Variants in CHPT1 observed in about 807,000 individuals in gnomAD.
The protein encoded by CHPT1 is choline phosphotransferase 1, also known as cholinephosphotransferase 1.
CHPT1 carries 36 observed loss-of-function variants against 47.6 expected under a neutral mutation model. That is an observed-to-expected ratio of 0.76 (90% CI 0.58 to 1.00). The LOEUF (loss-of-function observed/expected upper bound fraction) is 1.00. Ranked by LOEUF, CHPT1 falls within the 50% of genes least tolerant of loss-of-function variation. The probability of loss-of-function intolerance (pLI) is 0.00; values close to 1 mark genes in which losing one functional copy is unlikely to be tolerated. For missense variants in CHPT1, 458 were observed against 498.1 expected (o/e 0.92, Z 0.77); for synonymous variants, 194 against 186.3 (o/e 1.04, Z -0.33).
At chr12:101,727,136 G>GA (rs1476129855) in intron 8 of CHPT1, 4 of 152,066 alleles carry the variant, frequency 2.6e-5, no homozygotes, top group Non-Finnish European at 5.9e-5. Flanking sequence ...TCCCTTTCAT[G>GA]AAAAATGAAA....
intron 1 of CHPT1, among the ~76,000 whole-genome samples, chr12:101,703,969 G>A (rs905577086): frequency 6.6e-6 from 1 of 152,080 alleles, no homozygotes; most frequent in Non-Finnish European, 1.5e-5. Context: ...CAGCATACTC[G>A]CATTACATGT....
rs1253915937 is a variant in CHPT1, at chr12:101,727,581, AT to A, written c.1176+1179del. Reference sequence around the variant, plus strand: ...ATTGAAGAAAACAGTGAAAGATGATATTCCTTAAAAGCAAAAAAACATACTT... The same window carrying A: ...ATTGAAGAAAACAGTGAAAGATGATATCCTTAAAAGCAAAAAAACATACTT... On this transcript the variant is annotated intron_variant, in intron 8 of 8. Coordinates refer to ENST00000229266, the MANE Select transcript of CHPT1 (RefSeq NM_020244.3). 1.1e-4 allele frequency: 16 copies of A among 152,232 alleles called. No individual in the cohort carries two copies. The East Asian group carries it at 2.9e-3, about 27-fold the overall frequency. 9.4% of individuals were successfully genotyped at this position (152,232 alleles called of 1,614,324 possible). A position where few individuals can be genotyped will look rare whatever the true frequency, so the allele number is the denominator to read the frequency against.
At chr12:101,723,116 G>A in intron 5 of CHPT1, 52 bp from the exon 6 acceptor site, 3 of 1,501,046 alleles carry the variant, frequency 2.0e-6, no homozygotes, top group Non-Finnish European at 2.8e-6. Flanking sequence ...TGTCTACATT[G>A]TAATAAATGC....
At chr12:101,721,318 C>T (rs1230706432) in intron 5 of CHPT1, among the ~76,000 whole-genome samples, 2 of 151,910 alleles carry the variant, frequency 1.3e-5, no homozygotes, top group Non-Finnish European at 2.9e-5. Flanking sequence ...TTTAGGATTG[C>T]TTTAAACTAT....
intron 7 of CHPT1, 94 bp from the exon 8 acceptor site, chr12:101,726,200 G>T: frequency 1.2e-6 from 1 of 817,174 alleles, no homozygotes; most frequent in African/African-American, 1.7e-5. Flanking sequence ...AGAATTTTAG[G>T]TTAAGGTTTG....
At chr12:101,714,297 G>A (rs1951733651) in intron 2 of CHPT1, 60 bp downstream of exon 2, 4 of 1,437,674 alleles carry the variant, frequency 2.8e-6, no homozygotes, top group Non-Finnish European at 3.8e-6. Flanking sequence ...GAACTGAGCT[G>A]TTTGGTCAGT....
At chr12:101,706,994 G>A (rs1951643373) in intron 1 of CHPT1, among the ~76,000 whole-genome samples, 1 of 152,166 alleles carries the variant, frequency 6.6e-6, no homozygotes, top group African/African-American at 2.4e-5. Flanking sequence ...ACCATCTAAT[G>A]AGCATATTTT....
intron 1 of CHPT1, among the ~76,000 whole-genome samples, chr12:101,713,065 G>A (rs1024106646): frequency 6.7e-6 from 1 of 148,284 alleles, no homozygotes; most frequent in Non-Finnish European, 1.5e-5. Context: ...ATCCTTTTGA[G>A]GCTGGATTTT....
intron 1 of CHPT1, among the ~76,000 whole-genome samples, chr12:101,700,232 AAAGTC>A (rs1351316708): frequency 6.6e-6 from 1 of 152,046 alleles, no homozygotes; most frequent in Non-Finnish European, 1.5e-5. Flanking sequence ...GCTTACCAAA[AAAGTC>A]AAGAGCTTCT....
chr12:101,701,188 T>C (rs1235302970), intron 1 of CHPT1, among the ~76,000 whole-genome samples: 3 of 152,224 alleles, frequency 2.0e-5, no homozygotes, highest in South Asian at 4.1e-4. Flanking sequence ...TCCAGCCAAA[T>C]TGAACTTCTT....
chr12:101,712,391 A>G (rs758541002), intron 1 of CHPT1, among the ~76,000 whole-genome samples: 6 of 148,670 alleles, frequency 4.0e-5, no homozygotes, highest in Non-Finnish European at 9.0e-5. Flanking sequence ...TTTAAAAAAT[A>G]TTTATTCTGT....
At chr12:101,726,589 G>T in intron 8 of CHPT1, 185 bp downstream of exon 8, 1 of 748,824 alleles carries the variant, frequency 1.3e-6, no homozygotes, top group Non-Finnish European at 1.9e-6. Flanking sequence ...AGCCCCCATT[G>T]TATCATCATT....
At chr12:101,700,036 C>G (rs1431786155) in intron 1 of CHPT1, among the ~76,000 whole-genome samples, 1 of 152,144 alleles carries the variant, frequency 6.6e-6, no homozygotes, top group Non-Finnish European at 1.5e-5. Flanking sequence ...AAATATCACT[C>G]AACACATTAA....
rs186149830 is a variant in CHPT1, at chr12:101,706,327, G to A, written c.274-7763G>A. On this transcript the variant is annotated intron_variant, in intron 1 of 8. Coordinates refer to ENST00000229266, the MANE Select transcript of CHPT1 (RefSeq NM_020244.3). ...ATTACACCACTGCACTCCAGCCTGG[G>A]CGACAGAGTGAGACTCTGTCTCAAG... 2.2e-3 allele frequency among the ~76,000 whole-genome samples: 325 copies of A among 151,118 alleles called. 1 individual carries two copies. The highest frequency in any genetic ancestry group is 7.5e-3 in the African/African-American group (310 of 41,240).
rs956171595 is a variant in CHPT1, at chr12:101,702,810, C to T, written c.273+4676C>T. ...TCTCATTAAAACAAAATGTGAACTC[C>T]AGATTTCCAGGAGATAGAAGCAGGG... On this transcript the variant is annotated intron_variant, in intron 1 of 8. Coordinates refer to ENST00000229266, the MANE Select transcript of CHPT1 (RefSeq NM_020244.3). Among the ~76,000 whole-genome samples the T allele has an allele frequency of 3.3e-5, 5 of 152,132 alleles. No homozygotes were observed. The South Asian group carries it at 1.0e-3, about 32-fold the overall frequency.
At chr12:101,704,196 GT>G (rs200447207) in intron 1 of CHPT1, among the ~76,000 whole-genome samples, 5,452 of 150,822 alleles carry the variant, frequency 0.036, 329 homozygotes, top group African/African-American at 0.13. Context: ...TTTTGTTTTT[GT>G]TTTTTTTCAG....
In CHPT1 at chr12:101,723,862, C is replaced by G. The variant is rs1374393329; in HGVS notation, c.1065+15C>G. 2 of 1,478,336 alleles carry G rather than the reference C, an allele frequency of 1.4e-6. No homozygotes were observed. The highest frequency in any genetic ancestry group is 1.9e-6 in the Non-Finnish European group (2 of 1,072,254). 91.6% of individuals were successfully genotyped at this position (1,478,336 alleles called of 1,614,324 possible). On this transcript the variant is annotated intron_variant, in intron 7 of 8. Transcript: ENST00000229266. ...GGATGGCAATGGTAAGTATTTTTCT[C>G]CATTTTATTTATTTTTTAACAATGC...
chr12:101,714,069 T>C (rs1320193417), intron 1 of CHPT1, 21 bp from the exon 2 acceptor site: 1 of 1,549,868 alleles, frequency 6.5e-7, no homozygotes, highest in Non-Finnish European at 8.8e-7. Flanking sequence ...ACAATCTTTA[T>C]TTTATTTACA....
At chr12:101,720,071 TAAAA>T in intron 4 of CHPT1, 48 bp from the exon 5 acceptor site, 4 of 1,416,992 alleles carry the variant, frequency 2.8e-6, no homozygotes, top group Non-Finnish European at 3.8e-6. Flanking sequence ...TATTATTTAA[TAAAA>T]AACCAAAATT....
Sources: allele counts gnomAD v4.1 joint callset (sites outside exome capture counted in the v4.1 genomes callset), GRCh38; gene constraint gnomAD v4.1.1; transcripts MANE v1.5; gene names NCBI Gene and HGNC (gene_info 2026-07-23, HGNC 2026-07-21).